Variants in LIPC observed in about 807,000 individuals in gnomAD.
LIPC encodes hepatic triacylglycerol lipase.
Under a neutral mutation model 50.7 loss-of-function variants are expected in LIPC, and 44 were observed. The observed-to-expected ratio is 0.87, with a 90% CI of 0.68 to 1.11. LIPC has a LOEUF of 1.11. Ranked by LOEUF, LIPC falls within the 50% of genes most tolerant of loss-of-function variation. The probability of loss-of-function intolerance (pLI) is 0.00; values close to 1 mark genes in which losing one functional copy is unlikely to be tolerated. For synonymous variants in LIPC, 271 were observed against 256.4 expected, an observed-to-expected ratio of 1.06 and a Z score of -0.54; for missense variants, 697 against 648.2, an observed-to-expected ratio of 1.08 and a Z score of -0.82.
In LIPC at chr15:58,472,270, CAAA is replaced by C. The variant is rs35901617; in HGVS notation, c.88+40171_88+40173del. Among the ~76,000 whole-genome samples, 57 of 87,634 alleles carry C rather than the reference CAAA, an allele frequency of 6.5e-4. 1 individual carries two copies. Among genetic ancestry groups the C allele is most frequent in the African/African-American group, 1.7e-3 (36 of 20,836 alleles). The allele number at this position is 87,634 out of a possible 152,430, so 57.5% of individuals were successfully genotyped here. On this transcript the variant is annotated intron_variant, in intron 1 of 8. Transcript: ENST00000299022. ...TGGGCAACAGAGTGACATTTGGTCT[CAAA>C]AAAAAAAAAAAAAAAAAAAAGAAAT... is the stretch of plus-strand genomic sequence containing the variant.
At chr15:58,505,824 A>G (rs1436971675) in intron 1 of LIPC, among the ~76,000 whole-genome samples, 3 of 152,148 alleles carry the variant, frequency 2.0e-5, no homozygotes, top group African/African-American at 7.2e-5. Context: ...CACCTCTATC[A>G]TGAGTTGAGT....
chr15:58,505,313 G>A (rs1321507015), intron 1 of LIPC, among the ~76,000 whole-genome samples: 1 of 152,248 alleles, frequency 6.6e-6, no homozygotes, highest in Non-Finnish European at 1.5e-5. Context: ...CCTCAGGCAA[G>A]TGGGATAATC....
At chr15:58,527,116 A>G (rs1416650159) in intron 1 of LIPC, among the ~76,000 whole-genome samples, 2 of 152,222 alleles carry the variant, frequency 1.3e-5, no homozygotes, top group Admixed American at 1.3e-4. Flanking sequence ...CAGGTCCAAA[A>G]GAATATCTTA....
chr15:58,546,528 G>A lies in LIPC; in HGVS notation c.808+553G>A, dbSNP rs986847461. 4.6e-5 allele frequency among the ~76,000 whole-genome samples: 7 copies of A among 152,128 alleles called. 1 individual carries two copies. In the South Asian group the frequency reaches 1.0e-3, roughly 23 times the overall value. ...ATGCCCTTTACCTCAGGGCAGACAC[G>A]GAATGTGCTGTTATCTGGGTTGTGA... On this transcript the variant is annotated intron_variant, in intron 5 of 8. Transcript: ENST00000299022.
intron 1 of LIPC, among the ~76,000 whole-genome samples, chr15:58,533,358 A>G (rs1426765168): frequency 2.0e-5 from 3 of 152,252 alleles, no homozygotes; most frequent in African/African-American, 7.2e-5. Flanking sequence ...AGCATTCAAT[A>G]TATATCAGCT....
chr15:58,560,564 C>T lies in LIPC; in HGVS notation c.1052-300C>T, dbSNP rs187997473. Among the ~76,000 whole-genome samples the T allele has an allele frequency of 1.2e-4, 19 of 152,322 alleles. No individual in the cohort carries two copies. The East Asian group carries it at 3.7e-3, about 29-fold the overall frequency. On this transcript the variant is annotated intron_variant, in intron 6 of 8. Transcript: ENST00000299022. The stretch of plus-strand genomic sequence containing the variant: ...TGAAATATTACAGCAGAACTTGCAT[C>T]TAGAACTCAGTGAGAATGCCAGATG...
rs1381103156 is a variant in LIPC, at chr15:58,541,958, G to T, written c.447G>T (p.Arg149=). ...LVGKEVAALL[R]WLEESVQLSR... ...GCAAGGAGGTCGCGGCTCTTCTCCG[G>T]TGGCTGGAGGTACCGACCTGCCCCA... Residue 149 remains arginine, a synonymous_variant, in exon 3 of 9, where the codon CGG becomes CGT. Transcript: ENST00000299022. 6.2e-7 allele frequency: 1 copy of T among 1,608,568 alleles called. No homozygotes were observed. Among genetic ancestry groups the T allele is most frequent in the Non-Finnish European group, 8.5e-7 (1 of 1,178,964 alleles).
At chr15:58,510,264 C>T (rs1212959762) in intron 1 of LIPC, among the ~76,000 whole-genome samples, 1 of 152,172 alleles carries the variant, frequency 6.6e-6, no homozygotes, top group Non-Finnish European at 1.5e-5. Flanking sequence ...ATATATCTTA[C>T]AATGCTGTGG....
chr15:58,493,886 T>C (rs1232495233), intron 1 of LIPC, among the ~76,000 whole-genome samples: 1 of 151,980 alleles, frequency 6.6e-6, no homozygotes, highest in African/African-American at 2.4e-5. Flanking sequence ...AAGATGGCAA[T>C]GGGTACTGAA....
At chr15:58,526,400 C>A (rs552258887) in intron 1 of LIPC, among the ~76,000 whole-genome samples, 1 of 152,300 alleles carries the variant, frequency 6.6e-6, no homozygotes, top group Non-Finnish European at 1.5e-5. Flanking sequence ...CTGATTCAGA[C>A]AGAGCATCCC....
intron 1 of LIPC, among the ~76,000 whole-genome samples, chr15:58,536,262 G>A (rs1417410212): frequency 1.3e-5 from 2 of 152,154 alleles, no homozygotes; most frequent in African/African-American, 4.8e-5. Context: ...CATCCAAAAG[G>A]GCATTTGGGA....
intron 8 of LIPC, among the ~76,000 whole-genome samples, chr15:58,567,281 G>GTGTGTGTGTA (rs1491163077): frequency 1.5e-5 from 1 of 65,418 alleles, no homozygotes; most frequent in Non-Finnish European, 3.0e-5. Flanking sequence ...GTGTGTGTGT[G>GTGTGTGTGTA]TATATATATA....
At chr15:58,554,586 A>G (rs1421942964) in intron 6 of LIPC, among the ~76,000 whole-genome samples, 1 of 151,934 alleles carries the variant, frequency 6.6e-6, no homozygotes, top group African/African-American at 2.4e-5. Context: ...AACACTTACA[A>G]AAATCCAAAT....
At chr15:58,557,527 G>C (rs1893998628) in intron 6 of LIPC, among the ~76,000 whole-genome samples, 1 of 151,824 alleles carries the variant, frequency 6.6e-6, no homozygotes, top group African/African-American at 2.4e-5. Context: ...TGAGACTACA[G>C]GCACCCACCA....
intron 1 of LIPC, among the ~76,000 whole-genome samples, chr15:58,482,569 C>T (rs1292571713): frequency 6.6e-6 from 1 of 152,130 alleles, no homozygotes; most frequent in Non-Finnish European, 1.5e-5. Flanking sequence ...CCATGAAAAG[C>T]ATATGGGTCA....
Position 58,548,424 on chromosome 15 carries a change from G to A in LIPC, c.903G>A (p.Pro301=), listed in dbSNP as rs199867464. ...CCGGCACGCAGAGCATGGCCTACCC[G>A]TGTGGTGACATGAACAGCTTCAGCC... The part of the protein sequence containing the change: ...LHAGTQSMAY[P]CGDMNSFSQG... Residue 301 remains proline (P), a synonymous_variant, in exon 6 of 9, where the codon CCG becomes CCA. Transcript: ENST00000299022. 4.8e-5 allele frequency: 78 copies of A among 1,613,938 alleles called. No homozygotes were observed. Among genetic ancestry groups the A allele is most frequent in the Admixed American group, 6.7e-5 (4 of 59,996 alleles).
chr15:58,498,160 G>A (rs899225734), intron 1 of LIPC, among the ~76,000 whole-genome samples: 3 of 152,076 alleles, frequency 2.0e-5, no homozygotes, highest in South Asian at 2.1e-4. Flanking sequence ...TCTCTCAGGC[G>A]AGCTTTCCTA....
intron 6 of LIPC, among the ~76,000 whole-genome samples, chr15:58,550,652 C>T (rs1376401704): frequency 1.3e-5 from 2 of 151,980 alleles, no homozygotes; most frequent in South Asian, 4.2e-4. Flanking sequence ...TCCTTGGAGA[C>T]CACATTTGTG....
intron 8 of LIPC, among the ~76,000 whole-genome samples, chr15:58,566,742 T>C (rs1168851385): frequency 6.6e-6 from 1 of 152,192 alleles, no homozygotes; most frequent in Non-Finnish European, 1.5e-5. Flanking sequence ...GTATAATAAC[T>C]GGCTAAACCT....
Sources: gnomAD v4.1 joint callset for allele counts (sites outside exome capture counted in the v4.1 genomes callset) on GRCh38, gnomAD v4.1.1 for gene constraint, MANE v1.5 for transcripts, NCBI Gene and HGNC (gene_info 2026-07-23, HGNC 2026-07-21) for gene names.